Variants in CTNND2 observed in about 807,000 individuals in gnomAD.
CTNND2 encodes the protein catenin delta-2.
CTNND2 carries 22 observed loss-of-function variants against 144.4 expected under a neutral mutation model. That is an observed-to-expected ratio of 0.15 (90% CI 0.11 to 0.22). The LOEUF (loss-of-function observed/expected upper bound fraction) is 0.22. CTNND2 is among the 10% of genes least tolerant of loss of function. The probability of loss-of-function intolerance (pLI) is 1.00; values close to 1 mark genes in which losing one functional copy is unlikely to be tolerated. For missense variants in CTNND2, 1,353 were observed against 1,618.8 expected (o/e 0.84, Z 2.82); for synonymous variants, 751 against 695.6 (o/e 1.08, Z -1.25).
chr5:11,771,043 A>C (rs1789903433), intron 1 of CTNND2, among the ~76,000 whole-genome samples: 1 of 152,178 alleles, frequency 6.6e-6, no homozygotes, highest in Non-Finnish European at 1.5e-5. Flanking sequence ...TGTCAGAATC[A>C]AATATTCCTA....
chr5:11,297,888 G>C (rs1329746148), intron 9 of CTNND2, among the ~76,000 whole-genome samples: 1 of 152,124 alleles, frequency 6.6e-6, no homozygotes, highest in Non-Finnish European at 1.5e-5. Flanking sequence ...CCTCAAAAAA[G>C]TGACAAGACA....
intron 1 of CTNND2, among the ~76,000 whole-genome samples, chr5:11,740,427 C>T (rs1253714265): frequency 6.6e-6 from 1 of 152,074 alleles, no homozygotes; most frequent in East Asian, 1.9e-4. Context: ...CTGACAAAAA[C>T]AAGAAATGGG....
rs941752308 is a variant in CTNND2, at chr5:10,972,899, T to C, written c.*554A>G. 3 of 152,576 alleles carry C rather than the reference T, an allele frequency of 2.0e-5. No homozygotes were observed. Among genetic ancestry groups the C allele is most frequent in the African/African-American group, 4.8e-5 (2 of 41,444 alleles). 9.5% of individuals were successfully genotyped at this position (152,576 alleles called of 1,614,324 possible). A position where few individuals can be genotyped will look rare whatever the true frequency, so the allele number is the denominator to read the frequency against. On this transcript the variant is annotated 3_prime_UTR_variant, in exon 22 of 22. Transcript: ENST00000304623. ...CCATAGATGAGGAAACACGGCGGCA[T>C]TGGTGTAATATACACAACGCGCTTT...
chr5:11,193,002 C>T (rs1736469405), intron 11 of CTNND2, among the ~76,000 whole-genome samples: 1 of 152,160 alleles, frequency 6.6e-6, no homozygotes, highest in Non-Finnish European at 1.5e-5. Flanking sequence ...CCATTGTTCA[C>T]ACCTTTGAAC....
intron 11 of CTNND2, among the ~76,000 whole-genome samples, chr5:11,161,268 G>T (rs1758745395): frequency 6.6e-6 from 1 of 152,116 alleles, no homozygotes; most frequent in African/African-American, 2.4e-5. Flanking sequence ...TTTACAAACT[G>T]TCCCCTTACA....
chr5:11,571,723 A>AC lies in CTNND2; in HGVS notation c.175-6668dup, dbSNP rs898113778. ...TGTAAATTGGTCTACGATTTAACTC[A>AC]CCCCCCTGCTTAGAACTCCATTCCC... On this transcript the variant is annotated intron_variant, in intron 2 of 21. Transcript: ENST00000304623. Among the ~76,000 whole-genome samples the AC allele has an allele frequency of 5.3e-5, 8 of 151,900 alleles. No individual in the cohort carries two copies. The South Asian group carries it at 8.3e-4, about 16-fold the overall frequency.
At chr5:11,039,409 C>T (rs1744437304) in intron 16 of CTNND2, among the ~76,000 whole-genome samples, 1 of 152,186 alleles carries the variant, frequency 6.6e-6, no homozygotes, top group African/African-American at 2.4e-5. Context: ...TTCTGTCTTC[C>T]TTTCACACAG....
At chr5:11,362,972 C>A (rs139730892) in intron 8 of CTNND2, among the ~76,000 whole-genome samples, 1 of 152,198 alleles carries the variant, frequency 6.6e-6, no homozygotes, top group Non-Finnish European at 1.5e-5. Context: ...ATCTCAGTAA[C>A]GTTATTTATG....
At chr5:11,388,190 T>C (rs1759280561) in intron 6 of CTNND2, among the ~76,000 whole-genome samples, 1 of 152,246 alleles carries the variant, frequency 6.6e-6, no homozygotes, top group Admixed American at 6.5e-5. Context: ...AGTGGTATTG[T>C]CCACTGTGTA....
chr5:11,278,855 A>C (rs992703070), intron 9 of CTNND2, among the ~76,000 whole-genome samples: 1 of 152,006 alleles, frequency 6.6e-6, no homozygotes, highest in Non-Finnish European at 1.5e-5. Context: ...CCTACTTCCC[A>C]GGCCCCTTCT....
chr5:11,153,176 C>T (rs1426925827), intron 12 of CTNND2, among the ~76,000 whole-genome samples: 1 of 151,978 alleles, frequency 6.6e-6, no homozygotes, highest in African/African-American at 2.4e-5. Flanking sequence ...GCAGGAGAAT[C>T]GCTTGAACCC....
intron 6 of CTNND2, among the ~76,000 whole-genome samples, chr5:11,388,379 T>G (rs1043695914): frequency 1.3e-5 from 2 of 152,212 alleles, no homozygotes; most frequent in East Asian, 3.8e-4. Flanking sequence ...CATGGGCTGA[T>G]TGACAGCTTG....
intron 2 of CTNND2, among the ~76,000 whole-genome samples, chr5:11,611,936 C>T (rs1011271378): frequency 6.6e-6 from 1 of 152,142 alleles, no homozygotes; most frequent in Non-Finnish European, 1.5e-5. Flanking sequence ...TCTTTGAGGG[C>T]AATGATTCTA....
intron 2 of CTNND2, among the ~76,000 whole-genome samples, chr5:11,598,348 A>T (rs2126312425): frequency 6.6e-6 from 1 of 152,270 alleles, no homozygotes; most frequent in East Asian, 1.9e-4. Flanking sequence ...GCTGATGAGG[A>T]GAAATTCCAG....
At chr5:11,200,494 A>G (rs1737310781) in intron 10 of CTNND2, among the ~76,000 whole-genome samples, 1 of 152,190 alleles carries the variant, frequency 6.6e-6, no homozygotes, top group South Asian at 2.1e-4. Flanking sequence ...GTATATGGAC[A>G]AAGAGCATGA....
At chr5:11,542,444 A>C (rs541312415) in intron 3 of CTNND2, among the ~76,000 whole-genome samples, 140 of 152,318 alleles carry the variant, frequency 9.2e-4, no homozygotes, top group Non-Finnish European at 1.4e-3. Context: ...AGCAGCCAAC[A>C]TAAGTTGGTG....
intron 16 of CTNND2, among the ~76,000 whole-genome samples, chr5:11,037,950 G>T (rs1454593354): frequency 6.6e-6 from 1 of 152,060 alleles, no homozygotes; most frequent in East Asian, 1.9e-4. Flanking sequence ...TTACTAATCT[G>T]GGTGTTTTTC....
chr5:11,293,022 T>TA (rs1295737407), intron 9 of CTNND2, among the ~76,000 whole-genome samples: 6 of 152,180 alleles, frequency 3.9e-5, no homozygotes, highest in African/African-American at 1.2e-4. Context: ...TTCGCAAACT[T>TA]AGAGTTATTT....
At chr5:11,820,302 T>C (rs970011779) in intron 1 of CTNND2, among the ~76,000 whole-genome samples, 1 of 152,188 alleles carries the variant, frequency 6.6e-6, no homozygotes, top group African/African-American at 2.4e-5. Context: ...AGGCTGCCTC[T>C]TTACCTTGGG....
Sources: gnomAD v4.1 joint callset for allele counts (sites outside exome capture counted in the v4.1 genomes callset) on GRCh38, gnomAD v4.1.1 for gene constraint, MANE v1.5 for transcripts, NCBI Gene and HGNC (gene_info 2026-07-23, HGNC 2026-07-21) for gene names.